Variants in PTPRJ observed in about 807,000 individuals in gnomAD.
PTPRJ encodes the protein receptor-type tyrosine-protein phosphatase eta.
A neutral mutation model predicts 141.3 loss-of-function variants in PTPRJ; 129 were observed. The observed-to-expected ratio is 0.91, with a 90% CI of 0.79 to 1.06. PTPRJ has a LOEUF of 1.06. PTPRJ is among the 50% of genes least tolerant of loss of function. The pLI is 0.00. For synonymous variants in PTPRJ, 610 were observed against 640.5 expected (o/e 0.95, Z 0.72); for missense variants, 1,601 against 1,679.7 (o/e 0.95, Z 0.82).
intron 1 of PTPRJ, among the ~76,000 whole-genome samples, chr11:48,049,112 CT>C (rs1854484595): frequency 1.3e-5 from 2 of 152,160 alleles, no homozygotes; most frequent in Non-Finnish European, 2.9e-5. Flanking sequence ...AGCCTCGGCA[CT>C]ACTGACGTTT....
At chr11:48,041,294 G>T (rs545627027) in intron 1 of PTPRJ, among the ~76,000 whole-genome samples, 1 of 152,286 alleles carries the variant, frequency 6.6e-6, no homozygotes, top group East Asian at 1.9e-4. Flanking sequence ...GAGATGGAAG[G>T]CTGAGCGTTT....
intron 15 of PTPRJ, among the ~76,000 whole-genome samples, chr11:48,147,986 C>CA (rs1428098268): frequency 2.6e-5 from 4 of 152,042 alleles, no homozygotes; most frequent in Non-Finnish European, 5.9e-5. Flanking sequence ...GCTGGGATTA[C>CA]AGGCACCGCC....
At chr11:48,149,818 A>C (rs1178021551) in intron 16 of PTPRJ, 172 bp from the exon 17 acceptor site, 1 of 594,658 alleles carries the variant, frequency 1.7e-6, no homozygotes, top group Non-Finnish European at 3.0e-6. Context: ...GGGTCTAGAA[A>C]TCAGATTTCC....
chr11:48,004,485 T>C (rs970931449), intron 1 of PTPRJ, among the ~76,000 whole-genome samples: 3 of 152,206 alleles, frequency 2.0e-5, no homozygotes, highest in African/African-American at 7.2e-5. Flanking sequence ...AACAGGCTGG[T>C]CCAGGTGTCT....
rs1565332039 is a variant in PTPRJ, at chr11:48,156,575, G to GTTT, written c.3438+456_3438+457insTTT. ...TGAACCCCTCCTGCCTCCACCCCAG[G>GTTT]GTTTTTTTTTTTTTTTTTTTTTTTT... On this transcript the variant is annotated intron_variant, in intron 21 of 24. Transcript: ENST00000418331. 2.3e-4 allele frequency among the ~76,000 whole-genome samples: 29 copies of GTTT among 123,544 alleles called. 14 individuals are homozygous for GTTT. The highest frequency in any genetic ancestry group is 7.0e-4 in the African/African-American group (23 of 33,034). 81.0% of individuals were successfully genotyped at this position (123,544 alleles called of 152,430 possible). A position where few individuals can be genotyped will look rare whatever the true frequency, so the allele number is the denominator to read the frequency against.
intron 1 of PTPRJ, among the ~76,000 whole-genome samples, chr11:48,061,017 G>A (rs761351604): frequency 1.1e-4 from 17 of 151,726 alleles, no homozygotes; most frequent in Non-Finnish European, 2.4e-4. Flanking sequence ...TCTTTTTTTT[G>A]GAGACGGAGT....
At chr11:48,112,405 T>C (rs994096812) in intron 2 of PTPRJ, among the ~76,000 whole-genome samples, 6 of 152,164 alleles carry the variant, frequency 3.9e-5, no homozygotes, top group African/African-American at 1.4e-4. Context: ...TCTAGGAGAC[T>C]AGTAATGAAT....
intron 1 of PTPRJ, among the ~76,000 whole-genome samples, chr11:47,988,910 C>T (rs1353324608): frequency 6.9e-5 from 6 of 87,586 alleles, no homozygotes; most frequent in East Asian, 7.0e-4. Flanking sequence ...TTTTTTGAGA[C>T]GGAGTCTTGC....
chr11:48,121,784 A>G (rs1439702361), intron 4 of PTPRJ, among the ~76,000 whole-genome samples: 2 of 152,138 alleles, frequency 1.3e-5, no homozygotes, highest in Non-Finnish European at 2.9e-5. Context: ...CATCTATTAT[A>G]GCTGCAAACT....
At chr11:48,054,128 T>C (rs1222228324) in intron 1 of PTPRJ, among the ~76,000 whole-genome samples, 2 of 151,882 alleles carry the variant, frequency 1.3e-5, no homozygotes, top group African/African-American at 2.4e-5. Context: ...AGATGGGGGT[T>C]TCACCATGTT....
At position 48,112,838 on chromosome 11, in the gene PTPRJ, T is replaced by C; in HGVS notation, c.207T>C (p.His69=). 6.2e-7 allele frequency: 1 copy of C among 1,614,150 alleles called. No individual in the cohort carries two copies. The highest frequency in any genetic ancestry group is 1.1e-5 in the South Asian group (1 of 91,088). The change falls in exon 3 of 25, where the codon CAT becomes CAC. Residue 69 remains histidine, a synonymous_variant. Coordinates refer to ENST00000418331, the MANE Select transcript of PTPRJ (RefSeq NM_002843.4). The part of the protein sequence containing the change: ...TQISSTAESF[H]KQNGTGTPQV... ...TCAGCAGTACAGCAGAATCCTTTCA[T>C]AAACAGAATGGAACTGGAACACCTC...
intron 8 of PTPRJ, among the ~76,000 whole-genome samples, chr11:48,133,245 C>T (rs1045561262): frequency 1.3e-5 from 2 of 152,194 alleles, no homozygotes; most frequent in Non-Finnish European, 2.9e-5. Flanking sequence ...AGACCAAGTG[C>T]TTAACCACCA....
intron 1 of PTPRJ, among the ~76,000 whole-genome samples, chr11:48,107,060 C>T (rs1856309794): frequency 6.6e-6 from 1 of 152,044 alleles, no homozygotes; most frequent in African/African-American, 2.4e-5. Flanking sequence ...TGAGCCACTG[C>T]TCCCGGCCTT....
chr11:47,980,611 G>A lies in PTPRJ; in HGVS notation c.-302G>A, dbSNP rs1029004694. ...GGCAGCGGGAGCAGCCGCGGGAGCCGGGACCGGGTAGCCGCGCGCTGGGGG... is the reference window on the plus strand; with the variant it reads ...GGCAGCGGGAGCAGCCGCGGGAGCCAGGACCGGGTAGCCGCGCGCTGGGGG... On this transcript the variant is annotated 5_prime_UTR_variant, in exon 1 of 25. Transcript: ENST00000418331. 5 of 983,482 alleles carry A rather than the reference G, an allele frequency of 5.1e-6. No homozygotes were observed. The African/African-American group carries it at 5.3e-5, about 10-fold the overall frequency. The allele number at this position is 983,482 out of a possible 1,614,324, so 60.9% of individuals were successfully genotyped here.
At chr11:48,116,684 G>C (rs4547053) in intron 3 of PTPRJ, among the ~76,000 whole-genome samples, 148,052 of 152,352 alleles carry the variant, frequency 0.97, 72,071 homozygotes, top group Middle Eastern at 1. Flanking sequence ...CAAAACAAGT[G>C]TTAACAGATT....
At chr11:48,156,596 T>TGAGACAGGG (rs1857612608) in intron 21 of PTPRJ, among the ~76,000 whole-genome samples, 1 of 44,666 alleles carries the variant, frequency 2.2e-5, no homozygotes, top group African/African-American at 8.1e-5. Context: ...TTTTTTTTTT[T>TGAGACAGGG]TTTTTTTTTT....
chr11:48,114,660 A>G (rs866748508), intron 3 of PTPRJ, among the ~76,000 whole-genome samples: 3 of 152,266 alleles, frequency 2.0e-5, no homozygotes, highest in Middle Eastern at 6.8e-3. Flanking sequence ...CACAAGGATC[A>G]AGAATAATCA....
intron 1 of PTPRJ, among the ~76,000 whole-genome samples, chr11:48,080,111 T>C (rs955416984): frequency 6.6e-6 from 1 of 152,138 alleles, no homozygotes; most frequent in Non-Finnish European, 1.5e-5. Flanking sequence ...TTAAGTCTTA[T>C]TGGTAGAAAA....
intron 21 of PTPRJ, among the ~76,000 whole-genome samples, chr11:48,159,571 G>C (rs943150941): frequency 1.3e-5 from 2 of 152,150 alleles, no homozygotes; most frequent in Non-Finnish European, 2.9e-5. Context: ...AATTTTAAGA[G>C]TTGGCAAGAA....
Sources: gnomAD v4.1 joint callset for allele counts (sites outside exome capture counted in the v4.1 genomes callset) on GRCh38, gnomAD v4.1.1 for gene constraint, MANE v1.5 for transcripts, NCBI Gene and HGNC (gene_info 2026-07-23, HGNC 2026-07-21) for gene names.